The following SYN3 variants were observed in gnomAD, a reference collection of about 807,000 sequenced individuals.
SYN3 encodes the protein synapsin III, also known as synapsin-3.
SYN3 carries 35 observed loss-of-function variants against 65.8 expected under a neutral mutation model. That is an observed-to-expected ratio of 0.53 (90% CI 0.41 to 0.70). The LOEUF (loss-of-function observed/expected upper bound fraction) is 0.70. Ranked by LOEUF, SYN3 falls within the 30% of genes least tolerant of loss-of-function variation. SYN3 has a pLI of 0.00. For synonymous variants in SYN3, 270 were observed against 292.9 expected (o/e 0.92, Z 0.80); for missense variants, 680 against 749.0 (o/e 0.91, Z 1.08).
chr22:32,976,823 A>G (rs1163533327), intron 3 of SYN3, among the ~76,000 whole-genome samples: 1 of 152,192 alleles, frequency 6.6e-6, no homozygotes, highest in East Asian at 1.9e-4. Flanking sequence ...CTCTAGGCCA[A>G]CCACAACTAA....
At chr22:32,548,046 T>C (rs1224042620) in intron 7 of SYN3, among the ~76,000 whole-genome samples, 1 of 152,214 alleles carries the variant, frequency 6.6e-6, no homozygotes, top group African/African-American at 2.4e-5. Context: ...TAATACGAGC[T>C]GCTTCCAGGC....
intron 6 of SYN3, among the ~76,000 whole-genome samples, chr22:32,642,300 T>A (rs934941267): frequency 2.0e-5 from 3 of 151,484 alleles, no homozygotes; most frequent in African/African-American, 7.3e-5. Context: ...AAAAAAATAA[T>A]AATAATAAAG....
At chr22:32,691,954 G>A (rs2147158129) in intron 6 of SYN3, among the ~76,000 whole-genome samples, 1 of 152,160 alleles carries the variant, frequency 6.6e-6, no homozygotes, top group South Asian at 2.1e-4. Flanking sequence ...CTGGTAGCAG[G>A]TGGGACCAGG....
intron 6 of SYN3, among the ~76,000 whole-genome samples, chr22:32,828,731 C>T (rs1321084548): frequency 6.6e-6 from 1 of 152,184 alleles, no homozygotes; most frequent in East Asian, 1.9e-4. Flanking sequence ...ACTTCTTGGC[C>T]GGTTCTGGGA....
chr22:32,807,722 C>T (rs1228640519), intron 6 of SYN3, among the ~76,000 whole-genome samples: 1 of 151,144 alleles, frequency 6.6e-6, no homozygotes, highest in African/African-American at 2.4e-5. Context: ...AACAACTATA[C>T]TATAGGTCAC....
intron 7 of SYN3, among the ~76,000 whole-genome samples, chr22:32,594,805 G>A (rs1238097462): frequency 6.6e-6 from 1 of 152,086 alleles, no homozygotes; most frequent in Non-Finnish European, 1.5e-5. Context: ...TCCTTTTTAG[G>A]CTGCCTGAAG....
At chr22:32,979,695 C>G (rs1428651902) in intron 3 of SYN3, among the ~76,000 whole-genome samples, 3 of 152,108 alleles carry the variant, frequency 2.0e-5, no homozygotes, top group Admixed American at 2.0e-4. Context: ...TTACTAAGTG[C>G]CCAGTATGTG....
chr22:32,746,500 G>C (rs1420251142), intron 6 of SYN3, among the ~76,000 whole-genome samples: 1 of 152,208 alleles, frequency 6.6e-6, no homozygotes, highest in Non-Finnish European at 1.5e-5. Flanking sequence ...ACAGGGATGA[G>C]GAGGTGCTAG....
At chr22:32,683,468 G>A (rs1445262469) in intron 6 of SYN3, among the ~76,000 whole-genome samples, 3 of 152,148 alleles carry the variant, frequency 2.0e-5, no homozygotes, top group South Asian at 2.1e-4. Flanking sequence ...TTCACAGATC[G>A]GGTGGTTTAA....
intron 6 of SYN3, among the ~76,000 whole-genome samples, chr22:32,675,771 A>C (rs1164335110): frequency 6.6e-6 from 1 of 151,550 alleles, no homozygotes; most frequent in East Asian, 1.9e-4. Context: ...TCTCACTGCA[A>C]ACTTGATGAA....
chr22:32,930,512 CT>C (rs963593992), intron 4 of SYN3, among the ~76,000 whole-genome samples: 5 of 151,268 alleles, frequency 3.3e-5, no homozygotes, highest in South Asian at 4.2e-4. Context: ...AAACATGCAC[CT>C]TTTTTTTTGG....
chr22:32,549,160 G>A (rs1177380184), intron 7 of SYN3, among the ~76,000 whole-genome samples: 1 of 152,116 alleles, frequency 6.6e-6, no homozygotes, highest in African/African-American at 2.4e-5. Context: ...GCACACAATC[G>A]AATGCTTTGC....
intron 6 of SYN3, among the ~76,000 whole-genome samples, chr22:32,812,601 C>A (rs770811807): frequency 1.4e-4 from 21 of 152,160 alleles, no homozygotes; most frequent in Non-Finnish European, 1.6e-4. Context: ...TAAGGCTTTC[C>A]TTATCCACAG....
chr22:32,566,062 C>T (rs1160790811), intron 7 of SYN3, among the ~76,000 whole-genome samples: 1 of 152,042 alleles, frequency 6.6e-6, no homozygotes, highest in Non-Finnish European at 1.5e-5. Flanking sequence ...AGGCTGGTCT[C>T]AATCTCCTGA....
At position 32,983,168 on chromosome 22, in the gene SYN3, C is replaced by T. The variant is rs116915260; in HGVS notation, c.312-2466G>A. ...CCATAAACCTTCTCTGGGACGGAGACAGCTCTTTGCTTCCTAATACTCATT... is the reference window on the plus strand; with the variant it reads ...CCATAAACCTTCTCTGGGACGGAGATAGCTCTTTGCTTCCTAATACTCATT... On this transcript the variant is annotated intron_variant, in intron 2 of 13. Transcript: ENST00000358763. 2.7e-3 allele frequency among the ~76,000 whole-genome samples: 411 copies of T among 152,294 alleles called. 7 individuals are homozygous for T. The East Asian group carries it at 0.07, about 26-fold the overall frequency.
intron 6 of SYN3, among the ~76,000 whole-genome samples, chr22:32,645,658 G>A (rs963184400): frequency 1.3e-5 from 2 of 152,174 alleles, no homozygotes; most frequent in Non-Finnish European, 2.9e-5. Flanking sequence ...CTCCATTTGA[G>A]CCAGTGGGCT....
rs544050610 is a variant in SYN3 at position 32,940,310 on chromosome 22, G to C, written c.370-8829C>G. On this transcript the variant is annotated intron_variant, in intron 3 of 13. Coordinates refer to ENST00000358763, the MANE Select transcript of SYN3 (RefSeq NM_003490.4). ...AATTTCTTCTTCCATTCTGTGGCTT[G>C]TCTCTTAACTTTCTTAGTTTTTTAA... 1.1e-3 allele frequency among the ~76,000 whole-genome samples: 165 copies of C among 152,168 alleles called. 2 individuals are homozygous for C. The highest frequency in any genetic ancestry group is 0.01 in the Admixed American group (155 of 15,296).
At chr22:32,933,642 G>T (rs1394463275) in intron 3 of SYN3, among the ~76,000 whole-genome samples, 2 of 152,126 alleles carry the variant, frequency 1.3e-5, no homozygotes, top group Non-Finnish European at 2.9e-5. Flanking sequence ...GTTTCACCAT[G>T]TTGGCCAGGC....
At chr22:33,023,920 C>T (rs773685675) in intron 1 of SYN3, among the ~76,000 whole-genome samples, 21 of 152,136 alleles carry the variant, frequency 1.4e-4, no homozygotes, top group Non-Finnish European at 2.9e-4. Flanking sequence ...TATTTCTGGA[C>T]TTTTTGGTTC....
Sources: gnomAD v4.1 joint callset for allele counts (sites outside exome capture counted in the v4.1 genomes callset) on GRCh38, gnomAD v4.1.1 for gene constraint, MANE v1.5 for transcripts, NCBI Gene and HGNC (gene_info 2026-07-23, HGNC 2026-07-21) for gene names.